The following SGCZ variants were observed in gnomAD, a reference collection of about 807,000 sequenced individuals.
The protein encoded by SGCZ is sarcoglycan zeta.
SGCZ carries 40 observed loss-of-function variants against 41.3 expected under a neutral mutation model. The observed-to-expected ratio is 0.97, with a 90% CI of 0.75 to 1.26. SGCZ has a LOEUF of 1.26. Among genes scored for constraint, SGCZ ranks in the 50% most tolerant of loss-of-function variants. The pLI, the probability that SGCZ is intolerant of heterozygous loss-of-function variation, is 0.00. For synonymous variants in SGCZ, 206 were observed against 137.5 expected (o/e 1.50, Z -3.49); for missense variants, 552 against 369.8 (o/e 1.49, Z -4.04).
chr8:14,102,038 C>G (rs1419450780), intron 7 of SGCZ, among the ~76,000 whole-genome samples: 1 of 149,308 alleles, frequency 6.7e-6, no homozygotes, highest in Non-Finnish European at 1.5e-5. Context: ...TCCCAAGTAG[C>G]TGGGACTACA....
At chr8:14,405,891 G>A (rs1408108194) in intron 2 of SGCZ, among the ~76,000 whole-genome samples, 1 of 152,106 alleles carries the variant, frequency 6.6e-6, no homozygotes, top group East Asian at 1.9e-4. Context: ...TCTCTTTAGT[G>A]GGAGCTGAGC....
chr8:15,150,325 G>C (rs1013982016), intron 1 of SGCZ, among the ~76,000 whole-genome samples: 9 of 152,104 alleles, frequency 5.9e-5, no homozygotes, highest in African/African-American at 2.2e-4. Flanking sequence ...AAAATAAAAA[G>C]TTTCAGTTAG....
At chr8:14,926,897 C>T (rs1193995564) in intron 1 of SGCZ, among the ~76,000 whole-genome samples, 1 of 152,020 alleles carries the variant, frequency 6.6e-6, no homozygotes, top group East Asian at 1.9e-4. Flanking sequence ...CCTTAGCCTC[C>T]CAAAGTGTTG....
intron 1 of SGCZ, among the ~76,000 whole-genome samples, chr8:14,638,822 AT>A: frequency 6.6e-6 from 1 of 151,870 alleles, no homozygotes; most frequent in Non-Finnish European, 1.5e-5. Context: ...GAGGATAAGG[AT>A]TTTTTGGAAA....
intron 1 of SGCZ, among the ~76,000 whole-genome samples, chr8:14,997,972 A>T (rs569747261): frequency 0.022 from 3,305 of 152,270 alleles, 134 homozygotes; most frequent in African/African-American, 0.075. Flanking sequence ...AAGGAAAAAA[A>T]AAAATCCTAG....
intron 1 of SGCZ, among the ~76,000 whole-genome samples, chr8:14,770,605 G>A (rs1800204715): frequency 6.6e-6 from 1 of 151,950 alleles, no homozygotes; most frequent in African/African-American, 2.4e-5. Context: ...CTCACAATTT[G>A]TTTGGGTAAG....
In SGCZ at chr8:14,264,589, G is replaced by C. The variant is rs115679759; in HGVS notation, c.337-26910C>G. ...AAATGGGCTTAGAGCATTATCTGGC[G>C]ATGATACAGAGGCAGTGACCACCGG... On this transcript the variant is annotated intron_variant, in intron 3 of 7. Coordinates refer to ENST00000382080, the MANE Select transcript of SGCZ (RefSeq NM_139167.4). Among the ~76,000 whole-genome samples the C allele has an allele frequency of 9.7e-3, 1,475 of 152,190 alleles. 36 individuals are homozygous for C. Among genetic ancestry groups the C allele is most frequent in the African/African-American group, 0.034 (1,403 of 41,516 alleles).
intron 2 of SGCZ, among the ~76,000 whole-genome samples, chr8:14,341,918 T>C (rs1039746413): frequency 1.3e-5 from 2 of 152,186 alleles, no homozygotes; most frequent in African/African-American, 4.8e-5. Flanking sequence ...TCTGGCTTTA[T>C]CAGCAGTGTG....
intron 1 of SGCZ, among the ~76,000 whole-genome samples, chr8:15,065,872 T>C (rs151035299): frequency 1.5e-4 from 23 of 152,344 alleles, no homozygotes; most frequent in African/African-American, 5.5e-4. Context: ...TGCAGTAATA[T>C]ATTTTTGAAT....
intron 1 of SGCZ, among the ~76,000 whole-genome samples, chr8:15,064,075 A>G (rs896457443): frequency 6.6e-6 from 1 of 152,100 alleles, no homozygotes; most frequent in African/African-American, 2.4e-5. Context: ...TTTCAGTGCT[A>G]GTGTTCCGCA....
At chr8:14,780,849 T>C (rs915118450) in intron 1 of SGCZ, among the ~76,000 whole-genome samples, 2 of 152,126 alleles carry the variant, frequency 1.3e-5, no homozygotes, top group African/African-American at 2.4e-5. Context: ...TCTTTTGGAA[T>C]TGAAGAAATC....
At chr8:14,712,929 G>A (rs34835594) in intron 1 of SGCZ, among the ~76,000 whole-genome samples, 49,194 of 151,758 alleles carry the variant, frequency 0.32, 8,436 homozygotes, top group East Asian at 0.46. Context: ...CCAATTAGGA[G>A]ACTGAGCAGT....
At chr8:14,808,033 G>C (rs1445334008) in intron 1 of SGCZ, among the ~76,000 whole-genome samples, 1 of 151,934 alleles carries the variant, frequency 6.6e-6, no homozygotes, top group Non-Finnish European at 1.5e-5. Flanking sequence ...GCCATATGTA[G>C]AAAGCTGAAA....
At chr8:14,450,624 TA>T (rs1333760220) in intron 2 of SGCZ, among the ~76,000 whole-genome samples, 2 of 152,134 alleles carry the variant, frequency 1.3e-5, no homozygotes, top group Admixed American at 6.5e-5. Flanking sequence ...ACCAATTTTT[TA>T]AAAAAAGTAT....
At chr8:15,097,735 A>T (rs117941548) in intron 1 of SGCZ, among the ~76,000 whole-genome samples, 14,775 of 133,116 alleles carry the variant, frequency 0.11, 1,200 homozygotes, top group African/African-American at 0.22. Flanking sequence ...TAAAAAAAAA[A>T]ATATATATAT....
chr8:15,201,552 T>C (rs1800890610), intron 1 of SGCZ, among the ~76,000 whole-genome samples: 1 of 152,224 alleles, frequency 6.6e-6, no homozygotes, highest in African/African-American at 2.4e-5. Flanking sequence ...TCTTTACTGC[T>C]GTCACTGTTG....
chr8:14,794,910 T>G (rs1368683536), intron 1 of SGCZ, among the ~76,000 whole-genome samples: 1 of 152,190 alleles, frequency 6.6e-6, no homozygotes, highest in Non-Finnish European at 1.5e-5. Context: ...GAAAAATAAC[T>G]GTCAATGAAG....
At chr8:14,733,881 T>A (rs1451693020) in intron 1 of SGCZ, among the ~76,000 whole-genome samples, 1 of 152,166 alleles carries the variant, frequency 6.6e-6, no homozygotes, top group Non-Finnish European at 1.5e-5. Context: ...CGTATACCCA[T>A]GAATATCTTA....
chr8:14,267,709 G>A (rs1003107523), intron 3 of SGCZ, among the ~76,000 whole-genome samples: 2 of 151,916 alleles, frequency 1.3e-5, no homozygotes, highest in Non-Finnish European at 2.9e-5. Context: ...AATCTCTTTG[G>A]GATCTTGGTC....
Sources: gnomAD v4.1 joint callset for allele counts (sites outside exome capture counted in the v4.1 genomes callset) on GRCh38, gnomAD v4.1.1 for gene constraint, MANE v1.5 for transcripts, NCBI Gene and HGNC (gene_info 2026-07-23, HGNC 2026-07-21) for gene names.